The following GRID2 variants were observed in gnomAD, a reference collection of about 807,000 sequenced individuals.
The protein encoded by GRID2 is glutamate receptor ionotropic, delta-2.
Under a neutral mutation model 114.8 loss-of-function variants are expected in GRID2, and 33 were observed. The ratio of observed to expected loss-of-function variants is 0.29; its 90% CI spans 0.22 to 0.38. GRID2 has a LOEUF of 0.38. Ranked by LOEUF, GRID2 falls within the 10% of genes least tolerant of loss-of-function variation. The pLI is 1.00. For missense variants in GRID2, 1,184 were observed against 1,257.7 expected (o/e 0.94, Z 0.89); for synonymous variants, 505 against 449.9 (o/e 1.12, Z -1.55).
intron 12 of GRID2, among the ~76,000 whole-genome samples, chr4:93,492,429 T>C (rs1030189792): frequency 4.6e-5 from 7 of 151,874 alleles, no homozygotes; most frequent in African/African-American, 4.8e-5. Context: ...ACATTCTAAC[T>C]GCATCATGTT....
intron 13 of GRID2, among the ~76,000 whole-genome samples, chr4:93,549,228 G>C (rs1317390366): frequency 6.6e-6 from 1 of 152,118 alleles, no homozygotes; most frequent in Non-Finnish European, 1.5e-5. Context: ...AAATGAAAGA[G>C]TCAAAAACTC....
Position 93,238,619 on chromosome 4 carries a change from A to C in GRID2, c.1245+129A>C, listed in dbSNP as rs13142615. The C allele has an allele frequency of 6.2e-5, 33 of 532,252 alleles. No individual in the cohort carries two copies. The African/African-American group carries it at 6.5e-4, about 11-fold the overall frequency. The allele number at this position is 532,252 out of a possible 1,614,324, so 33.0% of individuals were successfully genotyped here. A position where few individuals can be genotyped will look rare whatever the true frequency, so the allele number is the denominator to read the frequency against. Reference sequence around the variant, plus strand: ...AGTGTGAAAGAGAAAGCAGGGGGTGAGGGGAAATTAGGCATTGAAATGACT... The same window carrying C: ...AGTGTGAAAGAGAAAGCAGGGGGTGCGGGGAAATTAGGCATTGAAATGACT... On this transcript the variant is annotated intron_variant, in intron 8 of 15. Coordinates refer to ENST00000282020, the MANE Select transcript of GRID2 (RefSeq NM_001510.4).
intron 2 of GRID2, among the ~76,000 whole-genome samples, chr4:92,622,264 A>G (rs1202290889): frequency 1.1e-4 from 16 of 151,774 alleles, no homozygotes; most frequent in Non-Finnish European, 1.5e-5. Context: ...TGCCAATACT[A>G]AAAAGGTCAC....
intron 3 of GRID2, among the ~76,000 whole-genome samples, chr4:93,097,832 G>A (rs1731354695): frequency 6.6e-6 from 1 of 151,762 alleles, no homozygotes; most frequent in Non-Finnish European, 1.5e-5. Context: ...CACACACATT[G>A]ATCAAAATGA....
chr4:93,649,034 A>T lies in GRID2; in HGVS notation c.2360+22599A>T, dbSNP rs141471636. On this transcript the variant is annotated intron_variant, in intron 14 of 15. Coordinates refer to ENST00000282020, the MANE Select transcript of GRID2 (RefSeq NM_001510.4). ...AATCAATAAACCTAAATTATACAAC[A>T]GACTAACATTCTAATTTCTTTTTGA... Among the ~76,000 whole-genome samples, 10 of 152,324 alleles carry T rather than the reference A, an allele frequency of 6.6e-5. No homozygotes were observed. The East Asian group carries it at 1.9e-3, about 29-fold the overall frequency.
At chr4:92,346,811 T>C (rs1560579035) in intron 1 of GRID2, among the ~76,000 whole-genome samples, 2 of 152,192 alleles carry the variant, frequency 1.3e-5, no homozygotes, top group Admixed American at 6.5e-5. Flanking sequence ...ATTAAAAAAT[T>C]CATGATAAGT....
At chr4:92,626,255 TCA>T (rs999772971) in intron 2 of GRID2, among the ~76,000 whole-genome samples, 1 of 151,932 alleles carries the variant, frequency 6.6e-6, no homozygotes, top group African/African-American at 2.4e-5. Flanking sequence ...GGTAAGAGCA[TCA>T]CACAAAATGT....
At chr4:93,433,545 C>T (rs186459998) in intron 10 of GRID2, among the ~76,000 whole-genome samples, 15 of 152,248 alleles carry the variant, frequency 9.9e-5, no homozygotes, top group East Asian at 3.9e-4. Flanking sequence ...AGAATTCCCA[C>T]GCCATGTCAG....
intron 9 of GRID2, among the ~76,000 whole-genome samples, chr4:93,422,334 T>G (rs948165201): frequency 3.3e-4 from 42 of 127,884 alleles, no homozygotes; most frequent in African/African-American, 1.9e-3. Context: ...GTTCTTAGAA[T>G]TTTTTTATCT....
rs116540291 is a variant in GRID2, at chr4:92,627,593, T to C, written c.244+37307T>C. Among the ~76,000 whole-genome samples the C allele has an allele frequency of 7.6e-4, 115 of 152,228 alleles. 1 individual carries two copies. Among genetic ancestry groups the C allele is most frequent in the Non-Finnish European group, 7.1e-4 (48 of 68,002 alleles). Reference sequence around the variant, plus strand: ...CTTATATCCATAGCCAACATATTTGTGCAATTTAATAATAATTTGGCCATT... The same window carrying C: ...CTTATATCCATAGCCAACATATTTGCGCAATTTAATAATAATTTGGCCATT... On this transcript the variant is annotated intron_variant, in intron 2 of 15. Transcript: ENST00000282020.
intron 2 of GRID2, among the ~76,000 whole-genome samples, chr4:92,639,144 A>G (rs1228541553): frequency 6.6e-6 from 1 of 151,668 alleles, no homozygotes; most frequent in Non-Finnish European, 1.5e-5. Context: ...TGTGCTCTCT[A>G]GAAAGACTTT....
intron 13 of GRID2, among the ~76,000 whole-genome samples, chr4:93,606,527 C>T (rs983565105): frequency 6.6e-6 from 1 of 152,130 alleles, no homozygotes; most frequent in Non-Finnish European, 1.5e-5. Flanking sequence ...ATTTCAAAAG[C>T]AAACTTTCTC....
chr4:92,506,174 A>T (rs922928328), intron 1 of GRID2, among the ~76,000 whole-genome samples: 5 of 152,008 alleles, frequency 3.3e-5, no homozygotes, highest in African/African-American at 1.2e-4. Context: ...GATTCAAGGG[A>T]TACAAAATAT....
chr4:92,838,818 T>C (rs2149407008), intron 2 of GRID2: 1 of 152,024 alleles, frequency 6.6e-6, no homozygotes, highest in Middle Eastern at 3.4e-3. Context: ...GCAGGGAACT[T>C]TAGCCCCAAT....
chr4:93,493,722 T>C (rs572203816), intron 12 of GRID2, among the ~76,000 whole-genome samples: 1 of 151,750 alleles, frequency 6.6e-6, no homozygotes, highest in African/African-American at 2.4e-5. Flanking sequence ...GAAGCCTGTC[T>C]CAAATTTTTC....
At chr4:93,507,925 G>C (rs1029425021) in intron 12 of GRID2, among the ~76,000 whole-genome samples, 3 of 151,996 alleles carry the variant, frequency 2.0e-5, no homozygotes, top group African/African-American at 7.3e-5. Flanking sequence ...TGTTACAGAG[G>C]AAATTGCCAA....
chr4:92,820,798 G>A (rs548977134), intron 2 of GRID2, among the ~76,000 whole-genome samples: 1 of 151,890 alleles, frequency 6.6e-6, no homozygotes, highest in Non-Finnish European at 1.5e-5. Flanking sequence ...AATTTTTACT[G>A]AAATCAATAT....
intron 3 of GRID2, among the ~76,000 whole-genome samples, chr4:93,105,104 T>G (rs892654939): frequency 2.0e-5 from 3 of 152,228 alleles, no homozygotes; most frequent in African/African-American, 7.2e-5. Flanking sequence ...CATAAATGTC[T>G]TCTTTTGAGA....
intron 8 of GRID2, among the ~76,000 whole-genome samples, chr4:93,365,743 CA>C (rs1238331879): frequency 6.6e-6 from 1 of 152,138 alleles, no homozygotes; most frequent in Non-Finnish European, 1.5e-5. Context: ...AAAGCTCTTA[CA>C]GCCTAAAGTT....
Sources: gnomAD v4.1 joint callset for allele counts (sites outside exome capture counted in the v4.1 genomes callset) on GRCh38, gnomAD v4.1.1 for gene constraint, MANE v1.5 for transcripts, NCBI Gene and HGNC (gene_info 2026-07-23, HGNC 2026-07-21) for gene names.